MGAT5: variants seen among roughly 807,000 people sequenced by gnomAD.
MGAT5 encodes the protein alpha-1,6-mannosylglycoprotein 6-beta-N-acetylglucosaminyltransferase, also known as alpha-1,6-mannosylglycoprotein 6-beta-N-acetylglucosaminyltransferase A.
Under a neutral mutation model 94.3 loss-of-function variants are expected in MGAT5, and 30 were observed. The ratio of observed to expected loss-of-function variants is 0.32; its 90% CI spans 0.24 to 0.43. The LOEUF is 0.43. Ranked by LOEUF, MGAT5 falls within the 20% of genes least tolerant of loss-of-function variation. The pLI is 1.00. For missense variants in MGAT5, 691 were observed against 905.5 expected, an observed-to-expected ratio of 0.76 and a Z score of 3.04; for synonymous variants, 310 against 322.9, an observed-to-expected ratio of 0.96 and a Z score of 0.43.
intron 1 of MGAT5, among the ~76,000 whole-genome samples, chr2:134,229,273 G>A (rs993427961): frequency 1.3e-5 from 2 of 152,172 alleles, no homozygotes; most frequent in Non-Finnish European, 2.9e-5. Flanking sequence ...GCAAGTTATA[G>A]GAAAGTGATA....
At chr2:134,225,077 CAAAAAAAAAAAA>C (rs1167660901) in intron 1 of MGAT5, among the ~76,000 whole-genome samples, 73 of 68,220 alleles carry the variant, frequency 1.1e-3, no homozygotes, top group Non-Finnish European at 1.5e-3. Context: ...CCCTGTCTCA[CAAAAAAAAAAAA>C]AAAAAAAAAA....
intron 4 of MGAT5, among the ~76,000 whole-genome samples, chr2:134,325,969 G>A (rs1459348215): frequency 6.6e-6 from 1 of 151,610 alleles, no homozygotes; most frequent in East Asian, 1.9e-4. Context: ...AATATTGTTT[G>A]TGCAAGTTAT....
At chr2:134,443,708 T>G (rs1685614878) in intron 15 of MGAT5, among the ~76,000 whole-genome samples, 1 of 152,106 alleles carries the variant, frequency 6.6e-6, no homozygotes, top group African/African-American at 2.4e-5. Context: ...GCGCAAATCT[T>G]GAATTGTAGG....
chr2:134,348,633 A>G (rs1679161112), intron 8 of MGAT5, among the ~76,000 whole-genome samples: 1 of 152,194 alleles, frequency 6.6e-6, no homozygotes, highest in Non-Finnish European at 1.5e-5. Context: ...TTTAGAAGTC[A>G]TTGCCATCAT....
chr2:134,422,244 A>G (rs1684343655), intron 12 of MGAT5, among the ~76,000 whole-genome samples: 2 of 152,200 alleles, frequency 1.3e-5, no homozygotes, highest in Admixed American at 1.3e-4. Context: ...TTTTTAAAAT[A>G]AAACCCCCTT....
In MGAT5 at chr2:134,450,103, C is replaced by T. The variant is rs1367631875; in HGVS notation, c.*1256C>T. Reference sequence around the variant, plus strand: ...GTCAGACACACTGGACCCCACCTTCCAAACCCTGGACCCCCCCATGCTCTG... The same window carrying T: ...GTCAGACACACTGGACCCCACCTTCTAAACCCTGGACCCCCCCATGCTCTG... On this transcript the variant is annotated 3_prime_UTR_variant, in exon 16 of 16. Coordinates refer to ENST00000281923, the MANE Select transcript of MGAT5 (RefSeq NM_002410.5). 6.6e-6 allele frequency: 1 copy of T among 152,510 alleles called. No individual in the cohort carries two copies. Among genetic ancestry groups the T allele is most frequent in the African/African-American group, 2.4e-5 (1 of 41,464 alleles). The allele number at this position is 152,510 out of a possible 1,614,324, so 9.4% of individuals were successfully genotyped here. A position where few individuals can be genotyped will look rare whatever the true frequency, so the allele number is the denominator to read the frequency against.
At chr2:134,281,894 C>T (rs2105721559) in intron 2 of MGAT5, among the ~76,000 whole-genome samples, 1 of 152,294 alleles carries the variant, frequency 6.6e-6, no homozygotes, top group South Asian at 2.1e-4. Flanking sequence ...ATATTTAAGA[C>T]TTTATTTCAG....
At chr2:134,353,768 A>G (rs951600799) in intron 9 of MGAT5, among the ~76,000 whole-genome samples, 1 of 152,224 alleles carries the variant, frequency 6.6e-6, no homozygotes, top group Admixed American at 6.5e-5. Flanking sequence ...TAACAGGTTG[A>G]TGGAAAACTT....
intron 11 of MGAT5, among the ~76,000 whole-genome samples, chr2:134,412,525 A>T (rs1399523446): frequency 6.6e-6 from 1 of 151,940 alleles, no homozygotes; most frequent in Non-Finnish European, 1.5e-5. Flanking sequence ...GAGTTACAGA[A>T]GGATTATTGT....
In MGAT5 at chr2:134,154,880, T is replaced by TGAG. The variant is rs373786265; in HGVS notation, c.-143+34591_-143+34593dup. On this transcript the variant is annotated intron_variant, in intron 1 of 16. Transcript: ENST00000409645. ...TGAGTTTGAATCTGGTCAGTGTTCTTGAGGGCACCACCGTGAGGTGTCTTG... is the reference window on the plus strand; with the variant it reads ...TGAGTTTGAATCTGGTCAGTGTTCTTGAGGAGGGCACCACCGTGAGGTGTCTTG... 9.6e-4 allele frequency among the ~76,000 whole-genome samples: 147 copies of TGAG among 152,342 alleles called. 1 individual carries two copies. Among genetic ancestry groups the TGAG allele is most frequent in the Middle Eastern group, 3.4e-3 (1 of 294 alleles).
intron 4 of MGAT5, among the ~76,000 whole-genome samples, chr2:134,325,012 A>T (rs533067830): frequency 4.9e-4 from 69 of 139,606 alleles, no homozygotes; most frequent in African/African-American, 1.5e-3. Context: ...AAAGAATTTA[A>T]AAAAAAAAAA....
Position 134,453,826 on chromosome 2 carries a change from A to G in MGAT5, c.*4979A>G, listed in dbSNP as rs1686221736. ...CTGAATGTTTTCCCAAATCACCTAAATATCGGTTTGCTTTTTGTTTTGGGG... is the reference window on the plus strand; with the variant it reads ...CTGAATGTTTTCCCAAATCACCTAAGTATCGGTTTGCTTTTTGTTTTGGGG... On this transcript the variant is annotated 3_prime_UTR_variant, in exon 16 of 16. Transcript: ENST00000281923. 6.6e-6 allele frequency: 1 copy of G among 152,142 alleles called. No homozygotes were observed. Among genetic ancestry groups the G allele is most frequent in the Non-Finnish European group, 1.5e-5 (1 of 68,022 alleles). 9.4% of individuals were successfully genotyped at this position (152,142 alleles called of 1,614,324 possible).
At chr2:134,238,652 T>A (rs1360726910) in intron 1 of MGAT5, among the ~76,000 whole-genome samples, 1 of 152,198 alleles carries the variant, frequency 6.6e-6, no homozygotes, top group East Asian at 1.9e-4. Flanking sequence ...CCTGATGAAA[T>A]ATGGCCCTAG....
intron 2 of MGAT5, among the ~76,000 whole-genome samples, chr2:134,315,411 A>G (rs1686941926): frequency 6.6e-6 from 1 of 152,202 alleles, no homozygotes; most frequent in African/African-American, 2.4e-5. Flanking sequence ...ATCAGAATGA[A>G]AAATAGTGAT....
chr2:134,362,687 T>C (rs1200644575), intron 10 of MGAT5, among the ~76,000 whole-genome samples: 1 of 152,222 alleles, frequency 6.6e-6, no homozygotes, highest in Non-Finnish European at 1.5e-5. Flanking sequence ...TTGTACTTGC[T>C]TCTGAGAGCC....
Position 134,449,458 on chromosome 2 carries a change from A to G in MGAT5, c.*611A>G, listed in dbSNP as rs1302188457. 6.5e-6 allele frequency: 1 copy of G among 153,732 alleles called. No homozygotes were observed. Among genetic ancestry groups the G allele is most frequent in the African/African-American group, 2.4e-5 (1 of 41,434 alleles). 9.5% of individuals were successfully genotyped at this position (153,732 alleles called of 1,614,324 possible). A position where few individuals can be genotyped will look rare whatever the true frequency, so the allele number is the denominator to read the frequency against. On this transcript the variant is annotated 3_prime_UTR_variant, in exon 16 of 16. Coordinates refer to ENST00000281923, the MANE Select transcript of MGAT5 (RefSeq NM_002410.5). ...AACAGATGGCAGCAGAACAAAAGAA[A>G]CTTTTGCTTTGGAAGCACAGCCAAA...
intron 1 of MGAT5, among the ~76,000 whole-genome samples, chr2:134,139,060 A>G (rs1686546011): frequency 6.6e-6 from 1 of 152,238 alleles, no homozygotes; most frequent in Non-Finnish European, 1.5e-5. Flanking sequence ...CTCTAAGAAT[A>G]CAGCCGAAGA....
intron 10 of MGAT5, among the ~76,000 whole-genome samples, chr2:134,383,835 A>T (rs1003182789): frequency 6.6e-6 from 1 of 151,438 alleles, no homozygotes; most frequent in Non-Finnish European, 1.5e-5. Context: ...GCCCACCACC[A>T]TGCCCGGCTA....
intron 2 of MGAT5, among the ~76,000 whole-genome samples, chr2:134,295,251 A>T (rs1332055041): frequency 1.3e-5 from 2 of 152,178 alleles, no homozygotes; most frequent in African/African-American, 4.8e-5. Context: ...AAAATCTAGA[A>T]ACTATGGTGA....
Sources: gnomAD v4.1 joint callset for allele counts (sites outside exome capture counted in the v4.1 genomes callset) on GRCh38, gnomAD v4.1.1 for gene constraint, MANE v1.5 for transcripts, NCBI Gene and HGNC (gene_info 2026-07-23, HGNC 2026-07-21) for gene names.